Variants in KCNQ3 observed in about 807,000 individuals in gnomAD.
KCNQ3 encodes the protein potassium voltage-gated channel subfamily Q member 3.
A neutral mutation model predicts 92.5 loss-of-function variants in KCNQ3; 30 were observed. The ratio of observed to expected loss-of-function variants is 0.32; its 90% confidence interval spans 0.24 to 0.44. The LOEUF is 0.44. Among genes scored for constraint, KCNQ3 ranks in the 20% least tolerant of loss-of-function variants. The pLI, the probability that KCNQ3 is intolerant of heterozygous loss-of-function variation, is 1.00. For missense variants in KCNQ3, 913 were observed against 1,140.3 expected, an observed-to-expected ratio of 0.80 and a Z score of 2.87; for synonymous variants, 450 against 468.8, an observed-to-expected ratio of 0.96 and a Z score of 0.52.
rs998467321 is a variant in KCNQ3, at chr8:132,466,645, G to A, written c.386+13502C>T. Among the ~76,000 whole-genome samples, 7 of 151,852 alleles carry A rather than the reference G, an allele frequency of 4.6e-5. 1 individual carries two copies. The highest frequency in any genetic ancestry group is 1.2e-4 in the African/African-American group (5 of 41,278). ...CTGTCTTATTTCACTTACCTTCCCCGATTTTACAAAATTCTCCAATTTGTC... is the reference window on the plus strand; with the variant it reads ...CTGTCTTATTTCACTTACCTTCCCCAATTTTACAAAATTCTCCAATTTGTC... On this transcript the variant is annotated intron_variant, in intron 1 of 14. Transcript: ENST00000388996.
In KCNQ3 at chr8:132,176,140, G is replaced by A. The variant is rs547343957; in HGVS notation, c.778-532C>T. ...ACAGAGCCACAGAGTTCCTGAAATC[G>A]TTTTGTGTACCACTGGTGAAATGCA... On this transcript the variant is annotated intron_variant, in intron 4 of 14. Coordinates refer to ENST00000388996, the MANE Select transcript of KCNQ3 (RefSeq NM_004519.4). Among the ~76,000 whole-genome samples, 6 of 152,238 alleles carry A rather than the reference G, an allele frequency of 3.9e-5. No individual in the cohort carries two copies. In the East Asian group the frequency reaches 7.7e-4, roughly 20 times the overall value.
At chr8:132,242,916 T>G (rs1815041629) in intron 1 of KCNQ3, among the ~76,000 whole-genome samples, 1 of 152,152 alleles carries the variant, frequency 6.6e-6, no homozygotes, top group Non-Finnish European at 1.5e-5. Context: ...AATAAGGAGG[T>G]AGCTCTGGGT....
intron 8 of KCNQ3, among the ~76,000 whole-genome samples, chr8:132,168,161 T>C (rs1469559036): frequency 1.3e-5 from 2 of 152,178 alleles, no homozygotes; most frequent in African/African-American, 4.8e-5. Context: ...AGGTCCTCCT[T>C]CTACTCCCCC....
intron 1 of KCNQ3, among the ~76,000 whole-genome samples, chr8:132,309,281 A>G (rs769142657): frequency 1.1e-4 from 16 of 152,082 alleles, no homozygotes; most frequent in Non-Finnish European, 1.6e-4. Flanking sequence ...CCTCTATCTG[A>G]TTAGTTCTGT....
chr8:132,291,974 C>A (rs1816848217), intron 1 of KCNQ3, among the ~76,000 whole-genome samples: 1 of 152,168 alleles, frequency 6.6e-6, no homozygotes. Flanking sequence ...TTTTTAATAA[C>A]TTCTGTCTCC....
chr8:132,174,919 T>C (rs917952241), intron 5 of KCNQ3, among the ~76,000 whole-genome samples: 3 of 152,258 alleles, frequency 2.0e-5, no homozygotes, highest in Admixed American at 2.0e-4. Context: ...CTGAAAGACC[T>C]TGAAGTTACT....
At chr8:132,204,331 C>A (rs781172172) in intron 1 of KCNQ3, among the ~76,000 whole-genome samples, 1 of 152,182 alleles carries the variant, frequency 6.6e-6, no homozygotes, top group Non-Finnish European at 1.5e-5. Context: ...ATATTCTTCC[C>A]CTTCCCACAC....
At chr8:132,195,309 C>T (rs1827271775) in intron 1 of KCNQ3, among the ~76,000 whole-genome samples, 1 of 152,204 alleles carries the variant, frequency 6.6e-6, no homozygotes, top group South Asian at 2.1e-4. Context: ...TTAATACTAT[C>T]TTAATACAAA....
intron 1 of KCNQ3, among the ~76,000 whole-genome samples, chr8:132,446,376 G>C (rs1355079792): frequency 1.2e-4 from 18 of 152,200 alleles, no homozygotes; most frequent in Admixed American, 6.5e-5. Flanking sequence ...GCCTGGAAAT[G>C]AACAGATCAA....
chr8:132,358,383 AT>A (rs1819073123), intron 1 of KCNQ3, among the ~76,000 whole-genome samples: 2 of 152,158 alleles, frequency 1.3e-5, no homozygotes, highest in East Asian at 1.9e-4. Flanking sequence ...TCTACAGAGA[AT>A]TCCTTTAGTC....
intron 1 of KCNQ3, among the ~76,000 whole-genome samples, chr8:132,404,044 C>A (rs1016915124): frequency 6.6e-6 from 1 of 152,224 alleles, no homozygotes; most frequent in Non-Finnish European, 1.5e-5. Flanking sequence ...CTCCACAGAC[C>A]AGCCCTTGCC....
chr8:132,156,316 C>T (rs1247837147), intron 9 of KCNQ3, among the ~76,000 whole-genome samples: 2 of 151,904 alleles, frequency 1.3e-5, no homozygotes. Flanking sequence ...AACATGGAGA[C>T]ACAGAAAGTT....
At chr8:132,147,564 GATGA>G (rs1253043703) in intron 9 of KCNQ3, among the ~76,000 whole-genome samples, 1 of 152,188 alleles carries the variant, frequency 6.6e-6, no homozygotes, top group Non-Finnish European at 1.5e-5. Flanking sequence ...TTGAATGGTA[GATGA>G]ATGGATGGAT....
chr8:132,389,119 T>C (rs150166336), intron 1 of KCNQ3, among the ~76,000 whole-genome samples: 29 of 152,324 alleles, frequency 1.9e-4, no homozygotes, highest in African/African-American at 7.0e-4. Flanking sequence ...ATGAATTCTT[T>C]CATAAAGGAC....
intron 1 of KCNQ3, among the ~76,000 whole-genome samples, chr8:132,306,617 C>T (rs1817431597): frequency 6.6e-6 from 1 of 152,108 alleles, no homozygotes; most frequent in Non-Finnish European, 1.5e-5. Context: ...TAAATTTATA[C>T]AAAAGGGGAC....
intron 1 of KCNQ3, among the ~76,000 whole-genome samples, chr8:132,279,141 C>T (rs1816432477): frequency 6.6e-6 from 1 of 152,142 alleles, no homozygotes; most frequent in South Asian, 2.1e-4. Context: ...TTGCTTGAAC[C>T]CGGAAGGCGG....
intron 1 of KCNQ3, among the ~76,000 whole-genome samples, chr8:132,436,776 G>A (rs1006477570): frequency 1.3e-5 from 2 of 152,162 alleles, no homozygotes; most frequent in African/African-American, 4.8e-5. Context: ...GGAGGATCAG[G>A]AAGCCACAGA....
At chr8:132,347,599 C>T (rs570244757) in intron 1 of KCNQ3, among the ~76,000 whole-genome samples, 2 of 152,300 alleles carry the variant, frequency 1.3e-5, no homozygotes, top group African/African-American at 4.8e-5. Flanking sequence ...ACCTAACTTA[C>T]ATAATTCATC....
chr8:132,292,796 A>C (rs1026841834), intron 1 of KCNQ3, among the ~76,000 whole-genome samples: 1 of 152,138 alleles, frequency 6.6e-6, no homozygotes, highest in African/African-American at 2.4e-5. Flanking sequence ...GACCTTCTTC[A>C]TGTCCTTCTT....
Sources: gnomAD v4.1 joint callset for allele counts (sites outside exome capture counted in the v4.1 genomes callset) on GRCh38, gnomAD v4.1.1 for gene constraint, MANE v1.5 for transcripts, NCBI Gene and HGNC (gene_info 2026-07-23, HGNC 2026-07-21) for gene names.